Variants in OSBPL3 observed in about 807,000 individuals in gnomAD.
OSBPL3 encodes the protein oxysterol-binding protein-related protein 3.
In OSBPL3, 65 loss-of-function variants were observed where a neutral mutation model predicts 120.1. That is an observed-to-expected ratio of 0.54 (90% CI 0.44 to 0.67). The LOEUF is 0.67. OSBPL3 is among the 30% of genes least tolerant of loss of function. The pLI is 0.00. For missense variants in OSBPL3, 1,004 were observed against 1,082.1 expected, an observed-to-expected ratio of 0.93 and a Z score of 1.01; for synonymous variants, 416 against 402.6, an observed-to-expected ratio of 1.03 and a Z score of -0.40.
Position 24,806,910 on chromosome 7 carries a change from G to A in OSBPL3, c.2318-8C>T. On this transcript the variant is annotated splice_region_variant and splice_polypyrimidine_tract_variant and intron_variant, in intron 20 of 22. Coordinates refer to ENST00000313367, the MANE Select transcript of OSBPL3 (RefSeq NM_015550.4). The surrounding 1 kb of genome is among the most constrained non-coding windows in gnomAD (Gnocchi z 5.2). ...AGCCTTTCGGCATAGGATCTAAGAA[G>A]AAAATAAATCATTCACCCCTAACTT... 6.2e-7 allele frequency: 1 copy of A among 1,600,296 alleles called. No homozygotes were observed. The highest frequency in any genetic ancestry group is 8.5e-7 in the Non-Finnish European group (1 of 1,172,682).
Position 24,820,259 on chromosome 7 carries a change from A to T in OSBPL3, c.1885-21T>A, listed in dbSNP as rs899181013. 23 of 1,581,976 alleles carry T rather than the reference A, an allele frequency of 1.5e-5. No homozygotes were observed. The highest frequency in any genetic ancestry group is 3.3e-5 in the Admixed American group (2 of 59,830). ...CTGACCTGATGGAAACAAAGGACAGAAAAACAAAAAATGAATGAACTTTTG... is the reference window on the plus strand; with the variant it reads ...CTGACCTGATGGAAACAAAGGACAGTAAAACAAAAAATGAATGAACTTTTG... On this transcript the variant is annotated intron_variant, in intron 16 of 22. Coordinates refer to ENST00000313367, the MANE Select transcript of OSBPL3 (RefSeq NM_015550.4). This position sits in a 1 kb window ranked among gnomAD's most constrained non-coding sequence, Gnocchi z 4.6.
chr7:24,868,356 T>C (rs1801644624), intron 5 of OSBPL3, among the ~76,000 whole-genome samples: 1 of 148,768 alleles, frequency 6.7e-6, no homozygotes, highest in Admixed American at 6.7e-5. Flanking sequence ...TGTGTGTGTG[T>C]GTGTGTGTGT....
At chr7:24,885,602 A>G (rs1562883502) in intron 2 of OSBPL3, among the ~76,000 whole-genome samples, 1 of 152,250 alleles carries the variant, frequency 6.6e-6, no homozygotes. Context: ...CTTGTCAATT[A>G]TTTTGACAGG....
chr7:24,829,335 G>A (rs1403431701), intron 16 of OSBPL3, among the ~76,000 whole-genome samples: 1 of 152,120 alleles, frequency 6.6e-6, no homozygotes, highest in African/African-American at 2.4e-5. Flanking sequence ...TACTTCCCCA[G>A]TGTTAGTCCA....
intron 1 of OSBPL3, among the ~76,000 whole-genome samples, chr7:24,919,941 A>T (rs1256244615): frequency 6.6e-6 from 1 of 152,104 alleles, no homozygotes; most frequent in Non-Finnish European, 1.5e-5. Flanking sequence ...AAGGAAATGC[A>T]AATCAAAACC....
chr7:24,939,813 CA>C lies in OSBPL3; in HGVS notation c.-150+40072del, dbSNP rs1368647437. Among the ~76,000 whole-genome samples, 5 of 151,988 alleles carry C rather than the reference CA, an allele frequency of 3.3e-5. No individual in the cohort carries two copies. The highest frequency in any genetic ancestry group is 1.2e-4 in the African/African-American group (5 of 41,376). The stretch of plus-strand genomic sequence containing the variant: ...CTGAGAAGGGGGAAAAAATCAGTAA[CA>C]GGGGGCTATAACTAAAGTTAGGAGG... On this transcript the variant is annotated intron_variant, in intron 1 of 22. Transcript: ENST00000313367. This position sits in a 1 kb window ranked among gnomAD's most constrained non-coding sequence, Gnocchi z 4.2.
Position 24,852,694 on chromosome 7 carries a change from G to A in OSBPL3, c.1028-60C>T. ...GAGGCATAATTAAAAACAAAATACA[G>A]AAAAAAACATATCTCTTATAAAAGA... On this transcript the variant is annotated intron_variant, in intron 10 of 22. Transcript: ENST00000313367. This position sits in a 1 kb window ranked among gnomAD's most constrained non-coding sequence, Gnocchi z 4.1. 1.8e-6 allele frequency: 2 copies of A among 1,117,244 alleles called. No individual in the cohort carries two copies. Among genetic ancestry groups the A allele is most frequent in the Non-Finnish European group, 2.5e-6 (2 of 809,506 alleles). The allele number at this position is 1,117,244 out of a possible 1,614,324, so 69.2% of individuals were successfully genotyped here. A position where few individuals can be genotyped will look rare whatever the true frequency, so the allele number is the denominator to read the frequency against.
intron 14 of OSBPL3, among the ~76,000 whole-genome samples, chr7:24,836,445 ACT>A: frequency 6.6e-6 from 1 of 151,992 alleles, no homozygotes; most frequent in African/African-American, 2.4e-5. Context: ...TTAACACCAT[ACT>A]CTCTTGTTTT....
At chr7:24,846,107 T>C (rs1324952412) in intron 12 of OSBPL3, among the ~76,000 whole-genome samples, 1 of 152,248 alleles carries the variant, frequency 6.6e-6, no homozygotes, top group East Asian at 1.9e-4. Context: ...AATCTTTATT[T>C]CTTTTATATA....
rs112190687 is a variant in OSBPL3 at position 24,817,015 on chromosome 7, C to G, written c.1949-327G>C. ...CTGAGAAGAAGGAGTGACGAATATG[C>G]TTGGAGAAAGCATCAGAAGAGGCTT... is the stretch of plus-strand genomic sequence containing the variant. On this transcript the variant is annotated intron_variant, in intron 17 of 22. Transcript: ENST00000313367. The surrounding 1 kb of genome is among the most constrained non-coding windows in gnomAD (Gnocchi z 4.0). 4.1e-3 allele frequency among the ~76,000 whole-genome samples: 624 copies of G among 152,216 alleles called. 9 individuals are homozygous for G. Among genetic ancestry groups the G allele is most frequent in the African/African-American group, 0.014 (572 of 41,516 alleles).
intron 19 of OSBPL3, among the ~76,000 whole-genome samples, chr7:24,812,580 T>A (rs1194905362): frequency 6.6e-6 from 1 of 152,084 alleles, no homozygotes; most frequent in East Asian, 1.9e-4. Flanking sequence ...GTTTTTCAAA[T>A]TACCTGGCTG....
chr7:24,890,954 G>A (rs1372778438), intron 2 of OSBPL3, among the ~76,000 whole-genome samples: 1 of 152,168 alleles, frequency 6.6e-6, no homozygotes, highest in Non-Finnish European at 1.5e-5. Flanking sequence ...TTCCTATGGT[G>A]TAATCACCAC....
chr7:24,911,395 T>C (rs1158899679), intron 1 of OSBPL3, among the ~76,000 whole-genome samples: 1 of 152,208 alleles, frequency 6.6e-6, no homozygotes, highest in Non-Finnish European at 1.5e-5. Context: ...TGAGTTACTA[T>C]GAAATGTGAG....
intron 1 of OSBPL3, among the ~76,000 whole-genome samples, chr7:24,904,601 G>T (rs913112904): frequency 1.4e-4 from 21 of 152,062 alleles, no homozygotes; most frequent in African/African-American, 5.1e-4. Flanking sequence ...ATGAAATTTG[G>T]TATTTGTGGC....
At chr7:24,840,342 C>T (rs116376894) in intron 14 of OSBPL3, among the ~76,000 whole-genome samples, 2,661 of 152,280 alleles carry the variant, frequency 0.017, 65 homozygotes, top group African/African-American at 0.06. Flanking sequence ...CTTCTTCCTC[C>T]TCCTCAGCCT....
intron 1 of OSBPL3, among the ~76,000 whole-genome samples, chr7:24,914,028 T>C (rs10215435): frequency 0.1 from 15,454 of 152,118 alleles, 903 homozygotes; most frequent in East Asian, 0.27. Flanking sequence ...GGTTGTTCTT[T>C]TAATATTGCA....
At chr7:24,884,864 C>T (rs1378779677) in intron 2 of OSBPL3, among the ~76,000 whole-genome samples, 2 of 152,114 alleles carry the variant, frequency 1.3e-5, no homozygotes, top group East Asian at 3.9e-4. Context: ...GAGACAACCA[C>T]GATGTTTCCA....
intron 19 of OSBPL3, among the ~76,000 whole-genome samples, chr7:24,812,700 A>G (rs1793985933): frequency 6.6e-6 from 1 of 152,190 alleles, no homozygotes; most frequent in South Asian, 2.1e-4. Flanking sequence ...AATCATGTTG[A>G]ATGGCATTTT....
At position 24,967,114 on chromosome 7, in the gene OSBPL3, G is replaced by A. The variant is rs1436220723; in HGVS notation, c.-150+12772C>T. On this transcript the variant is annotated intron_variant, in intron 1 of 22. Transcript: ENST00000313367. The surrounding 1 kb of genome is among the most constrained non-coding windows in gnomAD (Gnocchi z 5.6). ...CATCTACATTATCTCAAATTTTTAT[G>A]GTAATTTTTCCTGTTTCCTATCATC... Among the ~76,000 whole-genome samples, 1 of 152,096 alleles carries A rather than the reference G, an allele frequency of 6.6e-6. No homozygotes were observed. Among genetic ancestry groups the A allele is most frequent in the African/African-American group, 2.4e-5 (1 of 41,398 alleles).
Sources: gnomAD v4.1 joint callset for allele counts (sites outside exome capture counted in the v4.1 genomes callset) on GRCh38, gnomAD v4.1.1 for gene constraint, Gnocchi (gnomAD v3.1) non-coding constraint, MANE v1.5 for transcripts, NCBI Gene and HGNC (gene_info 2026-07-23, HGNC 2026-07-21) for gene names.